GSE1: variants seen among roughly 807,000 people sequenced by gnomAD.
GSE1 encodes Gse1 coiled-coil protein, also known as genetic suppressor element 1.
In GSE1, 32 loss-of-function variants were observed where a neutral mutation model predicts 112.6. The ratio of observed to expected loss-of-function variants is 0.28; its 90% CI spans 0.21 to 0.38. The LOEUF is 0.38. Among genes scored for constraint, GSE1 ranks in the 10% least tolerant of loss-of-function variants. The probability of loss-of-function intolerance (pLI) is 1.00; values close to 1 mark genes in which losing one functional copy is unlikely to be tolerated. For synonymous variants in GSE1, 1,115 were observed against 735.6 expected, an observed-to-expected ratio of 1.52 and a Z score of -8.35; for missense variants, 2,348 against 1,699.2, an observed-to-expected ratio of 1.38 and a Z score of -6.71.
intron 2 of GSE1, among the ~76,000 whole-genome samples, chr16:85,541,712 C>A (rs541393097): frequency 2.6e-5 from 4 of 152,176 alleles, no homozygotes; most frequent in Admixed American, 6.5e-5. Flanking sequence ...GAGGACAGAG[C>A]GGCAGGGATG....
intron 2 of GSE1, among the ~76,000 whole-genome samples, chr16:85,401,588 G>A (rs556734782): frequency 5.3e-5 from 8 of 152,270 alleles, no homozygotes; most frequent in South Asian, 2.1e-4. Flanking sequence ...CCTGTGGGGC[G>A]GCCCATCCAG....
intron 2 of GSE1, among the ~76,000 whole-genome samples, chr16:85,404,454 A>T (rs867282533): frequency 2.0e-4 from 2 of 10,052 alleles, no homozygotes; most frequent in African/African-American, 6.0e-4. Flanking sequence ...TCACTGTTAC[A>T]CTCAGGCCCC....
At chr16:85,337,625 G>A (rs2046529114) in intron 1 of GSE1, among the ~76,000 whole-genome samples, 1 of 151,036 alleles carries the variant, frequency 6.6e-6, no homozygotes, top group Non-Finnish European at 1.5e-5. Context: ...CTTTCAAGCA[G>A]GGAAACCGGG....
At chr16:85,242,415 A>C (rs1451690175) in intron 1 of GSE1, among the ~76,000 whole-genome samples, 1 of 152,230 alleles carries the variant, frequency 6.6e-6, no homozygotes, top group Non-Finnish European at 1.5e-5. Context: ...GACCACGTGG[A>C]GCCAAGCAGT....
chr16:85,374,527 T>C lies in GSE1; in HGVS notation c.2464+16884T>C, dbSNP rs1041867724. 1.7e-4 allele frequency among the ~76,000 whole-genome samples: 4 copies of C among 24,230 alleles called. No homozygotes were observed. The Admixed American group carries it at 2.4e-3, about 14-fold the overall frequency. The allele number at this position is 24,230 out of a possible 152,430, so 15.9% of individuals were successfully genotyped here. ...TGTATAATGTGTGTCAGTGTGTGCGTGTGTGTGTGTGTGTGTGCGCGCGCG... is the reference window on the plus strand; with the variant it reads ...TGTATAATGTGTGTCAGTGTGTGCGCGTGTGTGTGTGTGTGTGCGCGCGCG... On this transcript the variant is annotated intron_variant, in intron 2 of 2. Coordinates refer to the GSE1 transcript ENST00000637419.
intron 2 of GSE1, among the ~76,000 whole-genome samples, chr16:85,370,328 C>G (rs1049925198): frequency 2.6e-5 from 4 of 152,160 alleles, no homozygotes; most frequent in African/African-American, 9.7e-5. Flanking sequence ...CACTGGGCGT[C>G]CCTCTGCCTC....
At chr16:85,512,137 C>T (rs1337789506) in intron 2 of GSE1, among the ~76,000 whole-genome samples, 3 of 152,150 alleles carry the variant, frequency 2.0e-5, no homozygotes, top group African/African-American at 7.2e-5. Context: ...GAGTCCACAG[C>T]CTGGCTGGGC....
At chr16:85,202,355 G>A (rs546380653) in intron 1 of GSE1, among the ~76,000 whole-genome samples, 13 of 152,388 alleles carry the variant, frequency 8.5e-5, no homozygotes, top group African/African-American at 3.1e-4. Flanking sequence ...CCTCCAGGGT[G>A]GGCTTGGGAA....
intron 1 of GSE1, among the ~76,000 whole-genome samples, chr16:85,214,237 G>A (rs1324412744): frequency 6.6e-6 from 1 of 151,782 alleles, no homozygotes; most frequent in Non-Finnish European, 1.5e-5. Context: ...CTATGCTGGG[G>A]TGAGGGCCCC....
At chr16:85,335,051 T>C (rs1353514160) in intron 1 of GSE1, among the ~76,000 whole-genome samples, 1 of 152,200 alleles carries the variant, frequency 6.6e-6, no homozygotes, top group African/African-American at 2.4e-5. Flanking sequence ...CAAGCGACAG[T>C]CACCTGACCC....
intron 2 of GSE1, among the ~76,000 whole-genome samples, chr16:85,386,793 A>G (rs2047698144): frequency 6.6e-6 from 1 of 152,192 alleles, no homozygotes; most frequent in Non-Finnish European, 1.5e-5. Flanking sequence ...CACCCCTTCC[A>G]GAGGCTTCTC....
intron 1 of GSE1, among the ~76,000 whole-genome samples, chr16:85,205,964 T>G (rs2075107699): frequency 6.6e-6 from 1 of 152,172 alleles, no homozygotes; most frequent in African/African-American, 2.4e-5. Flanking sequence ...TCACGGAGCT[T>G]CCAGTCTGGT....
chr16:85,415,946 T>C (rs1429979117), intron 2 of GSE1, among the ~76,000 whole-genome samples: 3 of 152,270 alleles, frequency 2.0e-5, no homozygotes, highest in Non-Finnish European at 4.4e-5. Flanking sequence ...ACACACTGTT[T>C]CCTGGGTTTG....
At chr16:85,622,275 G>A (rs945275334) in intron 1 of GSE1, among the ~76,000 whole-genome samples, 12 of 152,204 alleles carry the variant, frequency 7.9e-5, no homozygotes, top group Admixed American at 5.2e-4. Flanking sequence ...GTTTTTTCCA[G>A]TGAGGCATTT....
chr16:85,544,031 C>T (rs1244811532), intron 2 of GSE1, among the ~76,000 whole-genome samples: 2 of 152,146 alleles, frequency 1.3e-5, no homozygotes, highest in East Asian at 3.9e-4. Flanking sequence ...GATGGGTTTT[C>T]GCCACATTGC....
chr16:85,239,685 C>T (rs564181010), intron 1 of GSE1, among the ~76,000 whole-genome samples: 3 of 152,330 alleles, frequency 2.0e-5, no homozygotes, highest in Admixed American at 6.5e-5. Flanking sequence ...AGGGCTCTTC[C>T]GGGTAACTCC....
At chr16:85,530,523 G>A (rs949783837) in intron 2 of GSE1, among the ~76,000 whole-genome samples, 5 of 152,280 alleles carry the variant, frequency 3.3e-5, no homozygotes, top group South Asian at 2.1e-4. Flanking sequence ...ATTTTTCGTC[G>A]GAGCTATTCC....
chr16:85,539,301 C>T (rs1191106492), intron 2 of GSE1, among the ~76,000 whole-genome samples: 2 of 152,242 alleles, frequency 1.3e-5, no homozygotes, highest in East Asian at 3.8e-4. Context: ...TTCCCGGCTC[C>T]AGCCACATGC....
At chr16:85,177,512 T>C (rs56204994) in intron 1 of GSE1, among the ~76,000 whole-genome samples, 20,334 of 152,218 alleles carry the variant, frequency 0.13, 1,690 homozygotes, top group Middle Eastern at 0.24. Flanking sequence ...CCCTCCTCAC[T>C]GGGCGACCTT....
Sources: gnomAD v4.1 joint callset for allele counts (sites outside exome capture counted in the v4.1 genomes callset) on GRCh38, gnomAD v4.1.1 for gene constraint, MANE v1.5 for transcripts, NCBI Gene and HGNC (gene_info 2026-07-23, HGNC 2026-07-21) for gene names.